Variants in ILDR1 observed in about 807,000 individuals in gnomAD.
ILDR1 encodes immunoglobulin like domain containing receptor 1, also known as immunoglobulin-like domain-containing receptor 1.
A neutral mutation model predicts 62.4 loss-of-function variants in ILDR1; 56 were observed. The observed-to-expected ratio is 0.90, with a 90% CI of 0.72 to 1.12. The LOEUF (loss-of-function observed/expected upper bound fraction) is 1.12. ILDR1 is among the 50% of genes most tolerant of loss of function. The probability of loss-of-function intolerance (pLI) is 0.00; values close to 1 mark genes in which losing one functional copy is unlikely to be tolerated. For missense variants in ILDR1, 736 were observed against 710.6 expected, an observed-to-expected ratio of 1.04 and a Z score of -0.41; for synonymous variants, 284 against 277.8, an observed-to-expected ratio of 1.02 and a Z score of -0.22.
At chr3:122,018,822 C>T (rs546184043) in intron 1 of ILDR1, among the ~76,000 whole-genome samples, 1 of 152,262 alleles carries the variant, frequency 6.6e-6, no homozygotes, top group Admixed American at 6.5e-5. Flanking sequence ...AGTGGACAGT[C>T]TCCCATCCAT....
At chr3:122,009,483 A>G (rs2071671417) in intron 1 of ILDR1, among the ~76,000 whole-genome samples, 1 of 152,226 alleles carries the variant, frequency 6.6e-6, no homozygotes, top group Admixed American at 6.5e-5. Context: ...AGATGATGAT[A>G]GTGCTAGCCT....
chr3:121,987,792 C>T lies in ILDR1; in HGVS notation c.*575G>A. 5.0e-6 allele frequency: 1 copy of T among 198,282 alleles called. No individual in the cohort carries two copies. Among genetic ancestry groups the T allele is most frequent in the Non-Finnish European group, 1.0e-5 (1 of 96,238 alleles). The allele number at this position is 198,282 out of a possible 1,614,324, so 12.3% of individuals were successfully genotyped here. On this transcript the variant is annotated 3_prime_UTR_variant, in exon 8 of 8. Transcript: ENST00000344209. Reference sequence around the variant, plus strand: ...AGGCTACTAAGTTCCTGAGGGATCACATTCCAGTCAGGGTCCATTACAAGT... The same window carrying T: ...AGGCTACTAAGTTCCTGAGGGATCATATTCCAGTCAGGGTCCATTACAAGT...
chr3:122,060,811 A>G, the ILDR1 span, among the ~76,000 whole-genome samples: 1 of 152,166 alleles, frequency 6.6e-6, no homozygotes, highest in African/African-American at 2.4e-5. Flanking sequence ...TTCAGAGGCA[A>G]GTTGAGATTT....
At chr3:122,003,137 G>A (rs983192106) in intron 3 of ILDR1, among the ~76,000 whole-genome samples, 16 of 152,142 alleles carry the variant, frequency 1.1e-4, no homozygotes, top group African/African-American at 2.4e-4. Context: ...GAAGTGCAGC[G>A]GCAGGCAGTT....
chr3:122,056,622 G>A, the ILDR1 span, among the ~76,000 whole-genome samples: 6 of 152,126 alleles, frequency 3.9e-5, no homozygotes, highest in Admixed American at 6.5e-5. Flanking sequence ...GTGAGCCACC[G>A]CGCACCCGGC....
At chr3:122,041,251 G>T in the ILDR1 span, among the ~76,000 whole-genome samples, 1 of 152,172 alleles carries the variant, frequency 6.6e-6, no homozygotes, top group Admixed American at 6.5e-5. Flanking sequence ...AGGTCATGAG[G>T]ACTCCCTCCC....
At chr3:122,055,407 C>T in the ILDR1 span, 14 of 1,377,106 alleles carry the variant, frequency 1.0e-5, no homozygotes, top group Non-Finnish European at 1.5e-5. Context: ...CTTTGCTTCT[C>T]TGCTGCTGTA....
chr3:122,021,432 G>A (rs999097830), intron 1 of ILDR1, among the ~76,000 whole-genome samples: 2 of 152,200 alleles, frequency 1.3e-5, no homozygotes, highest in South Asian at 2.1e-4. Context: ...AAGCCTGAGA[G>A]GGTAGATGGT....
intron 1 of ILDR1, among the ~76,000 whole-genome samples, chr3:122,010,387 T>C (rs1210602089): frequency 6.6e-6 from 1 of 152,140 alleles, no homozygotes; most frequent in Non-Finnish European, 1.5e-5. Context: ...GATAGATGAC[T>C]TCCCCACTCA....
chr3:122,050,865 A>C, the ILDR1 span, among the ~76,000 whole-genome samples: 3 of 152,218 alleles, frequency 2.0e-5, no homozygotes, highest in South Asian at 6.2e-4. Flanking sequence ...TTGTTTAGGA[A>C]AGTCTTTATT....
At chr3:122,023,754 G>A (rs911997688), upstream of ILDR1, among the ~76,000 whole-genome samples, 7 of 152,054 alleles carry the variant, frequency 4.6e-5, no homozygotes. Flanking sequence ...AAATGTTTAG[G>A]AGCCTCATAG....
At chr3:122,049,187 A>G in the ILDR1 span, among the ~76,000 whole-genome samples, 1 of 152,162 alleles carries the variant, frequency 6.6e-6, no homozygotes, top group South Asian at 2.1e-4. Flanking sequence ...TGAATTTTCC[A>G]ATTTTCCTTC....
upstream of ILDR1, among the ~76,000 whole-genome samples, chr3:122,026,695 A>G (rs779280549): frequency 2.6e-5 from 4 of 152,280 alleles, no homozygotes; most frequent in Non-Finnish European, 5.9e-5. Context: ...CTTCTTGGCT[A>G]GTGGCCTAGA....
chr3:122,038,352 T>G, the ILDR1 span, among the ~76,000 whole-genome samples: 1 of 152,142 alleles, frequency 6.6e-6, no homozygotes, highest in Non-Finnish European at 1.5e-5. Flanking sequence ...AGAGAAACAC[T>G]CTGGCAAATA....
At chr3:122,059,852 G>T in the ILDR1 span, among the ~76,000 whole-genome samples, 10 of 152,078 alleles carry the variant, frequency 6.6e-5, no homozygotes, top group African/African-American at 2.2e-4. Flanking sequence ...TGTAAGGAAG[G>T]GAAACACACA....
chr3:122,035,795 T>C, the ILDR1 span, among the ~76,000 whole-genome samples: 1 of 152,206 alleles, frequency 6.6e-6, no homozygotes, highest in Admixed American at 6.5e-5. Flanking sequence ...TGTAGTTCTT[T>C]AGATCAGTGT....
intron 7 of ILDR1, among the ~76,000 whole-genome samples, chr3:121,992,944 G>A (rs1197394833): frequency 1.3e-5 from 2 of 152,196 alleles, no homozygotes; most frequent in Admixed American, 6.5e-5. Context: ...CACAGGCAGC[G>A]AACTCTCCCC....
At chr3:122,059,235 G>T in the ILDR1 span, among the ~76,000 whole-genome samples, 1 of 152,082 alleles carries the variant, frequency 6.6e-6, no homozygotes, top group Admixed American at 6.6e-5. Context: ...TCTCATTGTG[G>T]GTCAATTCAG....
the ILDR1 span, among the ~76,000 whole-genome samples, chr3:122,047,531 T>C: frequency 6.6e-6 from 1 of 152,136 alleles, no homozygotes; most frequent in African/African-American, 2.4e-5. Context: ...CCGCCTTGCA[T>C]TTGATCTCAG....
Sources: allele counts gnomAD v4.1 joint callset (sites outside exome capture counted in the v4.1 genomes callset), GRCh38; gene constraint gnomAD v4.1.1; transcripts MANE v1.5; gene names NCBI Gene and HGNC (gene_info 2026-07-23, HGNC 2026-07-21).